The following GPATCH8 variants were observed in gnomAD, a reference collection of about 807,000 sequenced individuals.
GPATCH8 encodes G-patch domain containing 8.
A neutral mutation model predicts 118.3 loss-of-function variants in GPATCH8; 18 were observed. That is an observed-to-expected ratio of 0.15 (90% CI 0.11 to 0.23). GPATCH8 has a LOEUF of 0.23. GPATCH8 is among the 10% of genes least tolerant of loss of function. The pLI, the probability that GPATCH8 is intolerant of heterozygous loss-of-function variation, is 1.00. For missense variants in GPATCH8, 1,631 were observed against 1,873.8 expected, an observed-to-expected ratio of 0.87 and a Z score of 2.39; for synonymous variants, 659 against 684.7, an observed-to-expected ratio of 0.96 and a Z score of 0.59.
At chr17:44,448,535 AAGGAAGAAGAAGAGGAAG>A (rs200126512) in intron 3 of GPATCH8, among the ~76,000 whole-genome samples, 3,773 of 90,030 alleles carry the variant, frequency 0.042, 233 homozygotes, top group African/African-American at 0.12. Flanking sequence ...GAAGAAGAAG[AAGGAAGAAGAAGAGGAAG>A]AGGAAGAAGA....
rs75103923 is a variant in GPATCH8 at position 44,420,494 on chromosome 17, A to G, written c.492+3855T>C. ...GATGTTACCAGCATTGCTGGCCTCA[A>G]CCTACTAGATGCCAGTAGTATCACA... On this transcript the variant is annotated intron_variant, in intron 6 of 7. Transcript: ENST00000591680. 2.8e-3 allele frequency among the ~76,000 whole-genome samples: 428 copies of G among 152,284 alleles called. 3 individuals carry two copies. Among genetic ancestry groups the G allele is most frequent in the African/African-American group, 9.7e-3 (402 of 41,552 alleles).
At position 44,401,251 on chromosome 17, in the gene GPATCH8, G is replaced by A. The variant is rs2143644459; in HGVS notation, c.826C>T (p.Pro276Ser). ...ITNTTGLAQA[P>S]GLASQGISFG... Reference sequence around the variant, plus strand: ...CTGATGCCTTGGGAGGCTAACCCAGGAGCCTGGGCCAGTCCAGTGGTATTA... The same window carrying A: ...CTGATGCCTTGGGAGGCTAACCCAGAAGCCTGGGCCAGTCCAGTGGTATTA... Residue 276 changes from proline (P) to serine (S), a missense_variant, in exon 8 of 8, where the codon CCT becomes TCT. This residue lies in a region of GPATCH8 where 405 missense variants were observed against 462.7 expected (regional missense o/e 0.88). Coordinates refer to ENST00000591680, the MANE Select transcript of GPATCH8 (RefSeq NM_001002909.4). The A allele has an allele frequency of 1.2e-6, 2 of 1,613,968 alleles. No homozygotes were observed. Among genetic ancestry groups the A allele is most frequent in the East Asian group, 4.5e-5 (2 of 44,882 alleles).
At chr17:44,419,533 C>T (rs1567962466) in intron 6 of GPATCH8, among the ~76,000 whole-genome samples, 1 of 152,200 alleles carries the variant, frequency 6.6e-6, no homozygotes, top group African/African-American at 2.4e-5. Context: ...GTCACCCAGG[C>T]TAGGGTATAG....
At chr17:44,455,898 C>T (rs748066917) in intron 3 of GPATCH8, among the ~76,000 whole-genome samples, 4 of 152,086 alleles carry the variant, frequency 2.6e-5, no homozygotes, top group Non-Finnish European at 4.4e-5. Context: ...CAGGCACTCG[C>T]CACCATGCCC....
At chr17:44,462,502 T>C (rs887997687) in intron 3 of GPATCH8, among the ~76,000 whole-genome samples, 28 of 152,186 alleles carry the variant, frequency 1.8e-4, no homozygotes, top group Admixed American at 1.7e-3. Context: ...CTTTGTATTG[T>C]TTGTAAAGAG....
At chr17:44,441,708 A>G (rs546596338) in intron 3 of GPATCH8, among the ~76,000 whole-genome samples, 8 of 141,362 alleles carry the variant, frequency 5.7e-5, no homozygotes, top group Admixed American at 4.3e-4. Flanking sequence ...TGGGCAACAC[A>G]ACGACACTCC....
At chr17:44,438,134 G>A (rs1260470575) in intron 3 of GPATCH8, among the ~76,000 whole-genome samples, 1 of 152,060 alleles carries the variant, frequency 6.6e-6, no homozygotes. Context: ...GACTTCCTAG[G>A]TGCAATATCA....
rs1567944386 is a variant in GPATCH8 at position 44,406,063 on chromosome 17, G to A, written c.493-12C>T. On this transcript the variant is annotated splice_polypyrimidine_tract_variant and intron_variant, in intron 6 of 7. Coordinates refer to ENST00000591680, the MANE Select transcript of GPATCH8 (RefSeq NM_001002909.4). Reference sequence around the variant, plus strand: ...AGATCTTTTAATCTCTGGGTTAAAAGAAAGAAAGATACAGAGGGTGGATGA... The same window carrying A: ...AGATCTTTTAATCTCTGGGTTAAAAAAAAGAAAGATACAGAGGGTGGATGA... 1.3e-6 allele frequency: 2 copies of A among 1,592,380 alleles called. No individual in the cohort carries two copies. Among genetic ancestry groups the A allele is most frequent in the East Asian group, 2.2e-5 (1 of 44,710 alleles).
intron 2 of GPATCH8, among the ~76,000 whole-genome samples, chr17:44,469,714 T>C (rs958545944): frequency 7.2e-5 from 11 of 152,142 alleles, no homozygotes; most frequent in Non-Finnish European, 1.5e-4. Context: ...TGCAAACAAG[T>C]TGTAAAAATT....
chr17:44,411,903 G>C (rs2143767175), intron 6 of GPATCH8, among the ~76,000 whole-genome samples: 1 of 152,184 alleles, frequency 6.6e-6, no homozygotes, highest in South Asian at 2.1e-4. Context: ...GACCAGTCTG[G>C]GCAACACAGC....
At chr17:44,411,699 T>C (rs894066560) in intron 6 of GPATCH8, among the ~76,000 whole-genome samples, 1 of 152,208 alleles carries the variant, frequency 6.6e-6, no homozygotes, top group Non-Finnish European at 1.5e-5. Context: ...CCTCACCAGA[T>C]AGCAACTCTG....
At chr17:44,432,991 C>T (rs146081962) in intron 5 of GPATCH8, among the ~76,000 whole-genome samples, 2 of 152,176 alleles carry the variant, frequency 1.3e-5, no homozygotes, top group East Asian at 1.9e-4. Flanking sequence ...TAGGCATGCA[C>T]CACCAACACC....
At chr17:44,503,261 G>A (rs1970231818) in intron 1 of GPATCH8, 65 bp downstream of exon 1, 1 of 1,367,768 alleles carries the variant, frequency 7.3e-7, no homozygotes, top group East Asian at 2.4e-5. Flanking sequence ...CTGGGAGCCG[G>A]AGATGAAGGA....
At position 44,398,247 on chromosome 17, in the gene GPATCH8, T is replaced by C; in HGVS notation, c.3830A>G (p.Glu1277Gly). The change falls in exon 8 of 8, where the codon GAG becomes GGG. Residue 1277 changes from glutamate (E) to glycine (G), a missense_variant. Physicochemically the swap from Glu to Gly is moderately conservative, Grantham distance 98. Around this residue, in one of 8 missense-constraint regions of GPATCH8, gnomAD observed 922 missense variants for 879.7 expected, o/e 1.05. Coordinates refer to ENST00000591680, the MANE Select transcript of GPATCH8 (RefSeq NM_001002909.4). Reference sequence around the variant, plus strand: ...GGGAGGTGCATAACTGGGGAAATGCTCAAGGTCTGGTGCTATAGGCAGCAA... The same window carrying C: ...GGGAGGTGCATAACTGGGGAAATGCCCAAGGTCTGGTGCTATAGGCAGCAA... ...SSLLPIAPDL[E>G]HFPSYAPPSG... 1 of 1,612,986 alleles carries C rather than the reference T, an allele frequency of 6.2e-7. No homozygotes were observed. Among genetic ancestry groups the C allele is most frequent in the Non-Finnish European group, 8.5e-7 (1 of 1,179,284 alleles).
In GPATCH8 at chr17:44,399,545, A is replaced by ATCTTCCTCTTCT. The variant is rs750933115; in HGVS notation, c.2520_2531dup (p.Glu840_Glu843dup). 15 of 1,614,008 alleles carry ATCTTCCTCTTCT rather than the reference A, an allele frequency of 9.3e-6. No homozygotes were observed. The African/African-American group carries it at 2.0e-4, about 22-fold the overall frequency. On this transcript the variant is annotated inframe_insertion, in exon 8 of 8. Coordinates refer to ENST00000591680, the MANE Select transcript of GPATCH8 (RefSeq NM_001002909.4). ...GGCTGCGGGAATGCTCACTGCCTGA[A>ATCTTCCTCTTCT]TCTTCCTCTTCTTCTTCCTCACTGT...
At chr17:44,458,774 T>A (rs1007089395) in intron 3 of GPATCH8, among the ~76,000 whole-genome samples, 4 of 152,324 alleles carry the variant, frequency 2.6e-5, no homozygotes, top group Non-Finnish European at 2.9e-5. Flanking sequence ...TCTTCCCACC[T>A]TGGCCTCCCA....
At chr17:44,406,262 T>A (rs986397191) in intron 6 of GPATCH8, among the ~76,000 whole-genome samples, 1 of 152,236 alleles carries the variant, frequency 6.6e-6, no homozygotes, top group East Asian at 1.9e-4. Flanking sequence ...TAGGACAGCA[T>A]ATCATTTGCT....
rs1491045283 is a variant in GPATCH8 at position 44,437,958 on chromosome 17, AAC to A, written c.194-1415_194-1414del. On this transcript the variant is annotated intron_variant, in intron 3 of 7. Coordinates refer to ENST00000591680, the MANE Select transcript of GPATCH8 (RefSeq NM_001002909.4). ...CATCTCATGTCAGAAAAAAAAAAAA[AAC>A]AAAACAACAACTTCTAGAATACAGC... is the stretch of plus-strand genomic sequence containing the variant. 1.8e-3 allele frequency among the ~76,000 whole-genome samples: 225 copies of A among 123,764 alleles called. 4 individuals carry two copies. Among genetic ancestry groups the A allele is most frequent in the Middle Eastern group, 4.5e-3 (1 of 224 alleles). 81.2% of individuals were successfully genotyped at this position (123,764 alleles called of 152,430 possible). A position where few individuals can be genotyped will look rare whatever the true frequency, so the allele number is the denominator to read the frequency against.
chr17:44,479,153 T>C (rs1025555449), intron 1 of GPATCH8, among the ~76,000 whole-genome samples: 1 of 152,012 alleles, frequency 6.6e-6, no homozygotes, highest in East Asian at 1.9e-4. Context: ...AAAAAGAAAA[T>C]GGGCACCTTC....
Sources: gnomAD v4.1 joint callset for allele counts (sites outside exome capture counted in the v4.1 genomes callset) on GRCh38, gnomAD v4.1.1 for gene constraint, gnomAD v4.1.1 regional missense constraint, MANE v1.5 for transcripts, NCBI Gene and HGNC (gene_info 2026-07-23, HGNC 2026-07-21) for gene names.